Variants in PRRG1 observed in about 807,000 individuals in gnomAD.
The protein encoded by PRRG1 is transmembrane gamma-carboxyglutamic acid protein 1.
Under a neutral mutation model 11.8 loss-of-function variants are expected in PRRG1, and 5 were observed. That is an observed-to-expected ratio of 0.42 (90% CI 0.22 to 0.89). The LOEUF (loss-of-function observed/expected upper bound fraction) is 0.89, where lower values mean the gene tolerates loss of function less well. Among genes scored for constraint, PRRG1 ranks in the 40% least tolerant of loss-of-function variants. The pLI, the probability that PRRG1 is intolerant of heterozygous loss-of-function variation, is 0.28. For missense variants in PRRG1, 155 were observed against 166.1 expected (o/e 0.93, Z 0.37); for synonymous variants, 66 against 60.4 (o/e 1.09, Z -0.43).
chrX:37,362,599 C>T (rs1278915263), intron 1 of PRRG1, among the ~76,000 whole-genome samples: 3 of 111,843 alleles, frequency 2.7e-5, no homozygotes, highest in Non-Finnish European at 5.6e-5. Flanking sequence ...TTGCATTCCT[C>T]ATTTGCATTT....
chrX:37,396,972 G>A (rs1311791893), intron 1 of PRRG1, among the ~76,000 whole-genome samples: 7 of 111,792 alleles, frequency 6.3e-5, no homozygotes, highest in South Asian at 7.6e-4. Context: ...ATGCCCCCTC[G>A]GGGGAAAATT....
At chrX:37,376,250 C>T (rs1049127289) in intron 1 of PRRG1, among the ~76,000 whole-genome samples, 4 of 107,837 alleles carry the variant, frequency 3.7e-5, no homozygotes, top group East Asian at 5.8e-4. Context: ...TGGACTACAT[C>T]GATTTTTTTT....
intron 1 of PRRG1, among the ~76,000 whole-genome samples, chrX:37,392,423 C>T (rs1556376969): frequency 9.1e-6 from 1 of 109,492 alleles, no homozygotes; most frequent in Non-Finnish European, 1.9e-5. Context: ...AATCTCAGCA[C>T]TTTGGGAGGC....
chrX:37,415,126 C>T (rs1478530194), intron 2 of PRRG1, among the ~76,000 whole-genome samples: 3 of 112,302 alleles, frequency 2.7e-5, no homozygotes, highest in African/African-American at 6.5e-5. Context: ...AAATGTGTCG[C>T]AGCCAGACGC....
chrX:37,432,244 C>A (rs966065022), intron 3 of PRRG1, among the ~76,000 whole-genome samples: 2 of 110,531 alleles, frequency 1.8e-5, no homozygotes, highest in African/African-American at 6.6e-5. Flanking sequence ...CCTGCCACCA[C>A]GCCCGGCTAA....
At position 37,395,547 on chromosome X, in the gene PRRG1, G is replaced by A. The variant is rs782123296; in HGVS notation, c.-41-10662G>A. 5.2e-4 allele frequency among the ~76,000 whole-genome samples: 56 copies of A among 107,905 alleles called. No individual in the cohort carries two copies. In the South Asian group the frequency reaches 0.014, roughly 27 times the overall value. 93.7% of individuals were successfully genotyped at this position (107,905 alleles called of 115,157 possible). A position where few individuals can be genotyped will look rare whatever the true frequency, so the allele number is the denominator to read the frequency against. ...GGAGAATCGCTTGAACCCGGGAGGC[G>A]GAGGTTGCAGTCAGCTGAGATTGCA... On this transcript the variant is annotated intron_variant, in intron 1 of 3. Transcript: ENST00000378628.
At chrX:37,404,245 C>T (rs782116129) in intron 1 of PRRG1, among the ~76,000 whole-genome samples, 9 of 112,363 alleles carry the variant, frequency 8.0e-5, no homozygotes, top group African/African-American at 2.3e-4. Context: ...CCTTTCCCTA[C>T]TGCTGCCAGA....
intron 1 of PRRG1, among the ~76,000 whole-genome samples, chrX:37,375,754 T>A (rs998188483): frequency 1.6e-4 from 18 of 111,379 alleles, no homozygotes; most frequent in Admixed American, 5.7e-4. Context: ...GGCTTTTTTT[T>A]AAACTCTCCC....
intron 2 of PRRG1, among the ~76,000 whole-genome samples, chrX:37,416,159 C>G (rs782668228): frequency 8.9e-6 from 1 of 112,145 alleles, no homozygotes; most frequent in African/African-American, 3.2e-5. Context: ...CCATCATGCT[C>G]TATTGTGGGC....
chrX:37,428,964 G>A (rs1932800225), intron 3 of PRRG1, among the ~76,000 whole-genome samples: 2 of 112,532 alleles, frequency 1.8e-5, no homozygotes, highest in South Asian at 7.3e-4. Flanking sequence ...TTAAGTTTGG[G>A]GCTGGCACCC....
intron 3 of PRRG1, among the ~76,000 whole-genome samples, chrX:37,446,110 A>C (rs1204671272): frequency 1.8e-5 from 2 of 112,412 alleles, no homozygotes; most frequent in Non-Finnish European, 3.8e-5. Context: ...TCCCTATCAA[A>C]CACAATGTGT....
At chrX:37,412,696 GA>G (rs1164075715) in intron 2 of PRRG1, among the ~76,000 whole-genome samples, 22 of 97,934 alleles carry the variant, frequency 2.2e-4, no homozygotes, top group South Asian at 4.5e-4. Context: ...TTTCTCACCA[GA>G]AAAAAAAAAA....
At position 37,379,058 on chromosome X, in the gene PRRG1, T is replaced by A. The variant is rs907558127; in HGVS notation, c.-41-27151T>A. ...TTTTTTTTTTTTTTTTTTTTTTTTT[T>A]AGCATGGGATTAGAGGCAGCAGTTT... is the stretch of plus-strand genomic sequence containing the variant. On this transcript the variant is annotated intron_variant, in intron 1 of 3. Transcript: ENST00000378628. 3.1e-3 allele frequency among the ~76,000 whole-genome samples: 259 copies of A among 83,977 alleles called. 5 individuals carry two copies. The highest frequency in any genetic ancestry group is 0.018 in the Admixed American group (142 of 7,811). 72.9% of individuals were successfully genotyped at this position (83,977 alleles called of 115,157 possible). A position where few individuals can be genotyped will look rare whatever the true frequency, so the allele number is the denominator to read the frequency against.
chrX:37,433,537 T>C (rs782545211), intron 3 of PRRG1, among the ~76,000 whole-genome samples: 63 of 109,870 alleles, frequency 5.7e-4, no homozygotes, highest in African/African-American at 2.0e-3. Flanking sequence ...CTTTCTTTTT[T>C]TCAAGCACTG....
chrX:37,356,109 A>C (rs782623589), intron 1 of PRRG1, among the ~76,000 whole-genome samples: 5 of 112,352 alleles, frequency 4.5e-5, no homozygotes, highest in Admixed American at 1.9e-4. Flanking sequence ...CTTGCATCGT[A>C]TTTGAGGGAG....
chrX:37,377,511 A>G (rs1307542729), intron 1 of PRRG1, among the ~76,000 whole-genome samples: 1 of 112,118 alleles, frequency 8.9e-6, no homozygotes, highest in Non-Finnish European at 1.9e-5. Context: ...TAAAATCCTC[A>G]AAATACAACT....
At chrX:37,379,111 C>A (rs1230395964) in intron 1 of PRRG1, among the ~76,000 whole-genome samples, 2 of 84,283 alleles carry the variant, frequency 2.4e-5, no homozygotes, top group Non-Finnish European at 4.3e-5. Context: ...TTTTGGCCTT[C>A]TGCTCCTGGC....
intron 1 of PRRG1, among the ~76,000 whole-genome samples, chrX:37,356,685 A>T (rs188148533): frequency 9.6e-4 from 107 of 111,273 alleles, no homozygotes; most frequent in African/African-American, 3.4e-3. Context: ...CTAGGAATGG[A>T]TCACAACATT....
At chrX:37,362,176 C>A (rs1930435505) in intron 1 of PRRG1, among the ~76,000 whole-genome samples, 1 of 111,898 alleles carries the variant, frequency 8.9e-6, no homozygotes, top group Admixed American at 9.4e-5. Flanking sequence ...TAAATATGAA[C>A]TATAGTATAA....
Sources: allele counts gnomAD v4.1 joint callset (sites outside exome capture counted in the v4.1 genomes callset), GRCh38; gene constraint gnomAD v4.1.1; transcripts MANE v1.5; gene names NCBI Gene and HGNC (gene_info 2026-07-23, HGNC 2026-07-21).